The following MICAL3 variants were observed in gnomAD, a reference collection of about 807,000 sequenced individuals.
The protein encoded by MICAL3 is [F-actin]-monooxygenase MICAL3.
A neutral mutation model predicts 207.4 loss-of-function variants in MICAL3; 62 were observed. The observed-to-expected ratio is 0.30, with a 90% CI of 0.24 to 0.37. MICAL3 has a LOEUF of 0.37. Ranked by LOEUF, MICAL3 falls within the 10% of genes least tolerant of loss-of-function variation. The probability of loss-of-function intolerance (pLI) is 1.00; values close to 1 mark genes in which losing one functional copy is unlikely to be tolerated. For synonymous variants in MICAL3, 1,077 were observed against 1,069.3 expected (o/e 1.01, Z -0.14); for missense variants, 2,368 against 2,635.6 (o/e 0.90, Z 2.22).
intron 16 of MICAL3, among the ~76,000 whole-genome samples, chr22:17,877,258 TTA>T (rs1463226327): frequency 1.7e-5 from 2 of 116,760 alleles, no homozygotes; most frequent in African/African-American, 4.4e-5. Context: ...GTTAGGGAGG[TTA>T]GGGAAGTTAT....
chr22:17,860,527 A>G, intron 19 of MICAL3: 1 of 985,482 alleles, frequency 1.0e-6, no homozygotes, highest in Non-Finnish European at 1.2e-6. Context: ...CGGACCTTAA[A>G]GGCTATGGTG....
chr22:17,997,226 G>C (rs1922391578), intron 1 of MICAL3, among the ~76,000 whole-genome samples: 2 of 151,856 alleles, frequency 1.3e-5, no homozygotes, highest in African/African-American at 4.8e-5. Context: ...ACCACGCCCA[G>C]CTAATTTTTG....
intron 16 of MICAL3, chr22:17,884,141 CTCGAATG>C (rs1929662291): frequency 1.8e-6 from 1 of 557,974 alleles, no homozygotes; most frequent in Non-Finnish European, 3.2e-6. Flanking sequence ...AGAGCTACTA[CTCGAATG>C]AGCAGAGATT....
chr22:17,992,967 A>T (rs1018145027), intron 1 of MICAL3, among the ~76,000 whole-genome samples: 6 of 152,132 alleles, frequency 3.9e-5, no homozygotes, highest in African/African-American at 1.2e-4. Context: ...CACTGTTATG[A>T]CTTTCTTATA....
chr22:17,954,452 G>A (rs924734827), intron 1 of MICAL3, among the ~76,000 whole-genome samples: 7 of 152,182 alleles, frequency 4.6e-5, no homozygotes, highest in Non-Finnish European at 8.8e-5. Context: ...GGGCCAGGGT[G>A]ATCAGACATC....
chr22:17,810,285 A>G (rs5992108), intron 28 of MICAL3, among the ~76,000 whole-genome samples: 11,460 of 151,960 alleles, frequency 0.075, 613 homozygotes, highest in East Asian at 0.19. Flanking sequence ...GGATGGTCTC[A>G]ATCTCCTGAC....
chr22:17,982,111 T>TA lies in MICAL3; in HGVS notation c.-75+42169dup, dbSNP rs71184754. 6.1e-4 allele frequency among the ~76,000 whole-genome samples: 88 copies of TA among 143,346 alleles called. No homozygotes were observed. In the East Asian group the frequency reaches 6.4e-3, roughly 10 times the overall value. The allele number at this position is 143,346 out of a possible 152,430, so 94.0% of individuals were successfully genotyped here. ...CAGAGCAAGACCTTGTCTCAAAAAA[T>TA]AAAAAAAAAAAAATTAATAAGAGGC... On this transcript the variant is annotated intron_variant, in intron 1 of 31. Coordinates refer to ENST00000441493, the MANE Select transcript of MICAL3 (RefSeq NM_015241.3).
chr22:17,890,975 C>A (rs552745098), intron 12 of MICAL3, among the ~76,000 whole-genome samples: 2 of 152,304 alleles, frequency 1.3e-5, no homozygotes, highest in Admixed American at 6.5e-5. Flanking sequence ...AAAACGCAGT[C>A]TTTAACACAG....
chr22:17,907,883 C>T (rs912391869), intron 1 of MICAL3, among the ~76,000 whole-genome samples: 6 of 152,188 alleles, frequency 3.9e-5, no homozygotes, highest in Admixed American at 3.3e-4. Flanking sequence ...ACAGTCATTC[C>T]ATTTTCACCC....
chr22:17,803,915 C>T (rs1389075220), intron 29 of MICAL3: 10 of 794,544 alleles, frequency 1.3e-5, no homozygotes, highest in Non-Finnish European at 1.5e-5. Flanking sequence ...GTCCTCCTGT[C>T]CCCCCATACC....
chr22:17,937,568 C>G (rs192414409), intron 1 of MICAL3, among the ~76,000 whole-genome samples: 7 of 152,334 alleles, frequency 4.6e-5, no homozygotes, highest in African/African-American at 1.7e-4. Context: ...GAGGCTGAGG[C>G]AGACGAATCG....
At chr22:17,872,511 A>G (rs1927824974) in intron 16 of MICAL3, among the ~76,000 whole-genome samples, 1 of 152,236 alleles carries the variant, frequency 6.6e-6, no homozygotes, top group South Asian at 2.1e-4. Flanking sequence ...TTCTGAGGGT[A>G]GCTGTATCTG....
At chr22:18,000,687 G>A (rs945577807) in intron 1 of MICAL3, among the ~76,000 whole-genome samples, 2 of 152,236 alleles carry the variant, frequency 1.3e-5, no homozygotes, top group Non-Finnish European at 2.9e-5. Flanking sequence ...CCCCTCGGAA[G>A]GCAGCCAGGG....
At position 17,865,129 on chromosome 22, in the gene MICAL3, A is replaced by ATTTG. The variant is rs1926948102; in HGVS notation, c.2518-144_2518-143insCAAA. The ATTTG allele has an allele frequency of 4.9e-6, 3 of 611,456 alleles. No homozygotes were observed. In the East Asian group the frequency reaches 1.8e-4, roughly 38 times the overall value. The allele number at this position is 611,456 out of a possible 1,614,324, so 37.9% of individuals were successfully genotyped here. A position where few individuals can be genotyped will look rare whatever the true frequency, so the allele number is the denominator to read the frequency against. On this transcript the variant is annotated intron_variant, in intron 18 of 31. Coordinates refer to ENST00000441493, the MANE Select transcript of MICAL3 (RefSeq NM_015241.3). ...TATTTATTTATTTATTTATTTATTTAAGAGACAGGGCCTTGCTGGCACCCA... is the reference window on the plus strand; with the variant it reads ...TATTTATTTATTTATTTATTTATTTATTTGAGAGACAGGGCCTTGCTGGCACCCA...
intron 19 of MICAL3, among the ~76,000 whole-genome samples, chr22:17,856,703 G>A (rs1030799541): frequency 7.2e-6 from 1 of 138,272 alleles, no homozygotes; most frequent in African/African-American, 2.7e-5. Flanking sequence ...CTCACTGCAA[G>A]CTCCGCTTCC....
intron 2 of MICAL3, 84 bp from the exon 3 acceptor site, chr22:17,904,923 C>T (rs1931608779): frequency 9.8e-7 from 1 of 1,020,376 alleles, no homozygotes; most frequent in African/African-American, 1.6e-5. Context: ...GATCATCACT[C>T]CCTAAAGCCC....
chr22:17,804,047 A>G (rs964327490), intron 29 of MICAL3, among the ~76,000 whole-genome samples: 1 of 152,224 alleles, frequency 6.6e-6, no homozygotes, highest in Non-Finnish European at 1.5e-5. Flanking sequence ...CTGCATGTCC[A>G]CACATGCCGT....
chr22:17,948,308 T>A (rs1934171076), intron 1 of MICAL3, among the ~76,000 whole-genome samples: 1 of 152,242 alleles, frequency 6.6e-6, no homozygotes, highest in East Asian at 1.9e-4. Flanking sequence ...GCTCTCCAGC[T>A]GGAATCCCAA....
chr22:17,863,690 C>G, intron 19 of MICAL3: 4 of 985,458 alleles, frequency 4.1e-6, no homozygotes, highest in Non-Finnish European at 4.8e-6. Flanking sequence ...TCCCAGGGCA[C>G]ACCGCCTAGC....
Sources: allele counts gnomAD v4.1 joint callset (sites outside exome capture counted in the v4.1 genomes callset), GRCh38; gene constraint gnomAD v4.1.1; transcripts MANE v1.5; gene names NCBI Gene and HGNC (gene_info 2026-07-23, HGNC 2026-07-21).